Variants in ZFYVE28 observed in about 807,000 individuals in gnomAD.
ZFYVE28 encodes zinc finger FYVE-type containing 28.
ZFYVE28 carries 40 observed loss-of-function variants against 82.1 expected under a neutral mutation model. The ratio of observed to expected loss-of-function variants is 0.49; its 90% CI spans 0.38 to 0.63. ZFYVE28 has a LOEUF of 0.63. Among genes scored for constraint, ZFYVE28 ranks in the 30% least tolerant of loss-of-function variants. The pLI, the probability that ZFYVE28 is intolerant of heterozygous loss-of-function variation, is 0.00. For missense variants in ZFYVE28, 1,321 were observed against 1,242.1 expected (o/e 1.06, Z -0.96); for synonymous variants, 612 against 546.1 (o/e 1.12, Z -1.68).
chr4:2,379,062 C>A (rs1728457566), intron 1 of ZFYVE28, among the ~76,000 whole-genome samples: 1 of 152,148 alleles, frequency 6.6e-6, no homozygotes, highest in African/African-American at 2.4e-5. Flanking sequence ...AGGGGCCTGG[C>A]TGTCTCATGA....
At chr4:2,290,068 C>G (rs1175037386) in intron 8 of ZFYVE28, among the ~76,000 whole-genome samples, 1 of 152,198 alleles carries the variant, frequency 6.6e-6, no homozygotes, top group Admixed American at 6.5e-5. Flanking sequence ...ACAGCCAGGC[C>G]TCAGCCAGCA....
intron 7 of ZFYVE28, among the ~76,000 whole-genome samples, chr4:2,308,517 AGGGAG>A (rs1161522976): frequency 7.0e-5 from 1 of 14,264 alleles, no homozygotes; most frequent in Admixed American, 9.2e-4. Context: ...GGAGGGAGGG[AGGGAG>A]GGGAGGGGAG....
rs894550547 is a variant in ZFYVE28 at position 2,417,958 on chromosome 4, C to T, written c.39+327G>A. Among the ~76,000 whole-genome samples the T allele has an allele frequency of 6.6e-6, 1 of 151,278 alleles. No homozygotes were observed. Among genetic ancestry groups the T allele is most frequent in the African/African-American group, 2.4e-5 (1 of 41,098 alleles). On this transcript the variant is annotated intron_variant, in intron 1 of 12. Coordinates refer to ENST00000290974, the MANE Select transcript of ZFYVE28 (RefSeq NM_020972.3). The surrounding 1 kb of genome is among the most constrained non-coding windows in gnomAD (Gnocchi z 4.8). ...GGGACCACGAAGTGTAGGAGGGCAC[C>T]GTCCAGGACCGGGATGAGGAGGGAG... is the stretch of plus-strand genomic sequence containing the variant.
intron 4 of ZFYVE28, among the ~76,000 whole-genome samples, chr4:2,337,711 AAAAT>A (rs1394394680): frequency 6.6e-6 from 1 of 152,078 alleles, no homozygotes; most frequent in Non-Finnish European, 1.5e-5. Flanking sequence ...ATCTCTACAA[AAAAT>A]AAAAAAGTCG....
intron 1 of ZFYVE28, among the ~76,000 whole-genome samples, chr4:2,375,885 T>TC (rs1364040149): frequency 6.6e-6 from 1 of 151,960 alleles, no homozygotes; most frequent in Non-Finnish European, 1.5e-5. Flanking sequence ...TAATTTTTTT[T>TC]TTTTTGAGAT....
chr4:2,368,747 C>T lies in ZFYVE28; in HGVS notation c.40-14674G>A, dbSNP rs571227495. ...TCGATGAACACTTGCACTGCTCCCA[C>T]CTTTTGGCTACTATGAATAGTGCTG... On this transcript the variant is annotated intron_variant, in intron 1 of 12. Coordinates refer to ENST00000290974, the MANE Select transcript of ZFYVE28 (RefSeq NM_020972.3). 3.3e-5 allele frequency among the ~76,000 whole-genome samples: 5 copies of T among 152,364 alleles called. No homozygotes were observed. The South Asian group carries it at 1.0e-3, about 32-fold the overall frequency.
At position 2,270,769 on chromosome 4, in the gene ZFYVE28, T is replaced by C. The variant is rs1360603330; in HGVS notation, c.2620A>G (p.Met874Val). The change falls in exon 13 of 13, where the codon ATG becomes GTG. Residue 874 changes from methionine to valine, a missense_variant. Physicochemically the swap from Met to Val is conservative, Grantham distance 21 (BLOSUM62 1). Transcript: ENST00000290974. Reference protein sequence around the residue: ...KPVRVCTHCYMFHVTPFYSDK... With the variant: ...KPVRVCTHCYVFHVTPFYSDK... ...CTGTAGAAGGGCGTGACATGGAACA[T>C]GTAGCAGTGGGTGCACACTCGGACC... 7 of 1,613,094 alleles carry C rather than the reference T, an allele frequency of 4.3e-6. No individual in the cohort carries two copies. In the East Asian group the frequency reaches 1.3e-4, roughly 31 times the overall value.
intron 1 of ZFYVE28, among the ~76,000 whole-genome samples, chr4:2,413,069 C>T (rs998727287): frequency 1.3e-5 from 2 of 152,222 alleles, no homozygotes; most frequent in African/African-American, 2.4e-5. Flanking sequence ...ATGACAGAGT[C>T]GGCGCAGGGA....
chr4:2,389,567 A>T (rs1038779159), intron 1 of ZFYVE28, among the ~76,000 whole-genome samples: 16 of 152,172 alleles, frequency 1.1e-4, no homozygotes, highest in Admixed American at 7.9e-4. Context: ...TAGATTAGGG[A>T]CAAGCTGCCC....
chr4:2,362,388 G>T lies in ZFYVE28; in HGVS notation c.40-8315C>A, dbSNP rs1231954661. On this transcript the variant is annotated intron_variant, in intron 1 of 12. Coordinates refer to ENST00000290974, the MANE Select transcript of ZFYVE28 (RefSeq NM_020972.3). This position sits in a 1 kb window ranked among gnomAD's most constrained non-coding sequence, Gnocchi z 5.1. ...CACACAAATGCGGCCCCACAGCTGTGACCCCCACAGCAGCTGTTCCTCAGC... is the reference window on the plus strand; with the variant it reads ...CACACAAATGCGGCCCCACAGCTGTTACCCCCACAGCAGCTGTTCCTCAGC... Among the ~76,000 whole-genome samples, 1 of 152,088 alleles carries T rather than the reference G, an allele frequency of 6.6e-6. No individual in the cohort carries two copies. Among genetic ancestry groups the T allele is most frequent in the African/African-American group, 2.4e-5 (1 of 41,378 alleles).
chr4:2,317,631 T>G (rs1718424562), intron 7 of ZFYVE28, among the ~76,000 whole-genome samples: 2 of 152,016 alleles, frequency 1.3e-5, no homozygotes, highest in South Asian at 4.1e-4. Context: ...GCATGCTTTT[T>G]GTTTGATTGT....
chr4:2,359,609 G>A (rs1725831498), intron 1 of ZFYVE28, among the ~76,000 whole-genome samples: 1 of 152,202 alleles, frequency 6.6e-6, no homozygotes, highest in Admixed American at 6.5e-5. Context: ...CAGCCTCAGA[G>A]GGACCCAGCC....
Position 2,416,457 on chromosome 4 carries a change from G to A in ZFYVE28, c.39+1828C>T, listed in dbSNP as rs779004514. Among the ~76,000 whole-genome samples the A allele has an allele frequency of 6.6e-5, 10 of 152,150 alleles. No individual in the cohort carries two copies. The highest frequency in any genetic ancestry group is 8.8e-5 in the Non-Finnish European group (6 of 68,040). On this transcript the variant is annotated intron_variant, in intron 1 of 12. Coordinates refer to ENST00000290974, the MANE Select transcript of ZFYVE28 (RefSeq NM_020972.3). This position sits in a 1 kb window ranked among gnomAD's most constrained non-coding sequence, Gnocchi z 4.6. ...AGACACATTTCTCCAGCTGCCTCCC[G>A]CCATTTGTCACAGAAAATAATGCTG... is the stretch of plus-strand genomic sequence containing the variant.
intron 7 of ZFYVE28, among the ~76,000 whole-genome samples, chr4:2,319,902 C>T (rs1718810353): frequency 6.6e-6 from 1 of 152,082 alleles, no homozygotes; most frequent in Non-Finnish European, 1.5e-5. Context: ...TTAGCTGTTG[C>T]TGTACCATGT....
chr4:2,290,205 G>A (rs1713405559), intron 8 of ZFYVE28, among the ~76,000 whole-genome samples: 1 of 152,230 alleles, frequency 6.6e-6, no homozygotes, highest in South Asian at 2.1e-4. Context: ...GGAGCCCAGA[G>A]AGAGCAGCCC....
intron 1 of ZFYVE28, among the ~76,000 whole-genome samples, chr4:2,400,553 G>C (rs1731064499): frequency 6.6e-6 from 1 of 152,070 alleles, no homozygotes; most frequent in South Asian, 2.1e-4. Flanking sequence ...AGAACTAATA[G>C]GATACATATA....
chr4:2,406,104 G>A (rs1310112283), intron 1 of ZFYVE28, among the ~76,000 whole-genome samples: 3 of 151,218 alleles, frequency 2.0e-5, no homozygotes, highest in Non-Finnish European at 4.4e-5. Context: ...GGGCATGGTG[G>A]CACATGCCTG....
intron 6 of ZFYVE28, among the ~76,000 whole-genome samples, chr4:2,333,473 G>A (rs115754593): frequency 1.8e-3 from 274 of 151,956 alleles, no homozygotes; most frequent in African/African-American, 6.3e-3. Context: ...GCCTGTACTC[G>A]GGCAAACACG....
In ZFYVE28 at chr4:2,408,504, T is replaced by C. The variant is rs896819388; in HGVS notation, c.39+9781A>G. 6.6e-6 allele frequency among the ~76,000 whole-genome samples: 1 copy of C among 152,222 alleles called. No homozygotes were observed. Among genetic ancestry groups the C allele is most frequent in the Non-Finnish European group, 1.5e-5 (1 of 68,038 alleles). The stretch of plus-strand genomic sequence containing the variant: ...GCCTGGAGGGGGCCTGCCTGACAGC[T>C]GCACCAGCCGGGGTGGACCAAAGGC... On this transcript the variant is annotated intron_variant, in intron 1 of 12. Transcript: ENST00000290974. The surrounding 1 kb of genome is among the most constrained non-coding windows in gnomAD (Gnocchi z 4.3).
Sources: gnomAD v4.1 joint callset for allele counts (sites outside exome capture counted in the v4.1 genomes callset) on GRCh38, gnomAD v4.1.1 for gene constraint, Gnocchi (gnomAD v3.1) non-coding constraint, MANE v1.5 for transcripts, NCBI Gene and HGNC (gene_info 2026-07-23, HGNC 2026-07-21) for gene names.